AGPS: variants seen among roughly 807,000 people sequenced by gnomAD.
AGPS encodes alkyldihydroxyacetonephosphate synthase, peroxisomal.
Under a neutral mutation model 90.7 loss-of-function variants are expected in AGPS, and 26 were observed. That is an observed-to-expected ratio of 0.29 (90% CI 0.21 to 0.40). The LOEUF is 0.40. Among genes scored for constraint, AGPS ranks in the 10% least tolerant of loss-of-function variants. AGPS has a pLI of 1.00. For missense variants in AGPS, 540 were observed against 816.1 expected, an observed-to-expected ratio of 0.66 and a Z score of 4.12; for synonymous variants, 294 against 285.3, an observed-to-expected ratio of 1.03 and a Z score of -0.31.
At chr2:177,395,966 C>T (rs1685160755) in intron 1 of AGPS, among the ~76,000 whole-genome samples, 1 of 151,886 alleles carries the variant, frequency 6.6e-6, no homozygotes, top group Admixed American at 6.6e-5. Context: ...AAGTAGTCTT[C>T]AGCCTCAAAG....
chr2:177,486,737 A>AT (rs375211220), intron 11 of AGPS, among the ~76,000 whole-genome samples: 1 of 129,302 alleles, frequency 7.7e-6, no homozygotes, highest in African/African-American at 2.6e-5. Context: ...CTATATGTAT[A>AT]TTTTTATTAC....
At chr2:177,475,959 A>G (rs1687770691) in intron 10 of AGPS, among the ~76,000 whole-genome samples, 1 of 152,104 alleles carries the variant, frequency 6.6e-6, no homozygotes, top group African/African-American at 2.4e-5. Context: ...ATTTATTGCT[A>G]TACAGTTGTT....
Position 177,475,001 on chromosome 2 carries a change from C to T in AGPS, c.1105+6477C>T, listed in dbSNP as rs149297247. Reference sequence around the variant, plus strand: ...GGTTAAAGTCAGGGTTTATACTCACCTTCTTTAATGAATTTCAATCTTGTG... The same window carrying T: ...GGTTAAAGTCAGGGTTTATACTCACTTTCTTTAATGAATTTCAATCTTGTG... On this transcript the variant is annotated intron_variant, in intron 10 of 19. Transcript: ENST00000264167. Among the ~76,000 whole-genome samples, 359 of 152,264 alleles carry T rather than the reference C, an allele frequency of 2.4e-3. 2 individuals are homozygous for T. The highest frequency in any genetic ancestry group is 8.2e-3 in the African/African-American group (342 of 41,546).
intron 10 of AGPS, among the ~76,000 whole-genome samples, chr2:177,475,127 A>G (rs552830394): frequency 2.1e-4 from 32 of 152,238 alleles, no homozygotes; most frequent in Non-Finnish European, 4.6e-4. Flanking sequence ...TTTCTGCCTG[A>G]CAAATTTCCA....
At chr2:177,487,861 A>T (rs1255766232) in intron 11 of AGPS, among the ~76,000 whole-genome samples, 1 of 152,146 alleles carries the variant, frequency 6.6e-6, no homozygotes, top group East Asian at 1.9e-4. Flanking sequence ...AAACTGAAAA[A>T]CTATAAAGTT....
chr2:177,506,068 G>A (rs939910254), intron 15 of AGPS, among the ~76,000 whole-genome samples: 3 of 151,686 alleles, frequency 2.0e-5, no homozygotes, highest in African/African-American at 4.8e-5. Context: ...TTCTACTTAC[G>A]ATATACTGAA....
intron 10 of AGPS, among the ~76,000 whole-genome samples, chr2:177,477,689 A>AT (rs903023003): frequency 1.3e-5 from 2 of 152,064 alleles, no homozygotes; most frequent in African/African-American, 4.8e-5. Flanking sequence ...TATATTACCC[A>AT]TTTTGTTTAT....
intron 19 of AGPS, among the ~76,000 whole-genome samples, chr2:177,528,596 G>A (rs77422409): frequency 0.11 from 15,981 of 152,014 alleles, 1,191 homozygotes; most frequent in East Asian, 0.36. Flanking sequence ...CTTCTTAGAG[G>A]GATCTTCCCT....
At chr2:177,523,658 CAT>C in intron 18 of AGPS, 88 bp from the exon 19 acceptor site, 4 of 1,067,204 alleles carry the variant, frequency 3.7e-6, no homozygotes, top group South Asian at 1.3e-5. Context: ...ACCCAGGAAA[CAT>C]GTGCCTTCTT....
At chr2:177,434,807 CTG>C (rs1189684871) in intron 3 of AGPS, among the ~76,000 whole-genome samples, 2 of 151,646 alleles carry the variant, frequency 1.3e-5, no homozygotes, top group African/African-American at 4.8e-5. Context: ...AATAGACTGA[CTG>C]TAATCTAGGA....
At chr2:177,491,056 T>C (rs531201681) in intron 11 of AGPS, among the ~76,000 whole-genome samples, 19 of 151,792 alleles carry the variant, frequency 1.3e-4, no homozygotes, top group Non-Finnish European at 2.5e-4. Flanking sequence ...GGTTTCACCA[T>C]GTTGGTCAGG....
At chr2:177,442,542 T>C (rs751134322) in intron 7 of AGPS, 56 bp downstream of exon 7, 6 of 1,391,574 alleles carry the variant, frequency 4.3e-6, no homozygotes, top group Non-Finnish European at 6.1e-6. Context: ...TCCACCTTAA[T>C]TGTCATTAAA....
At chr2:177,517,067 A>G (rs991806966) in intron 17 of AGPS, among the ~76,000 whole-genome samples, 5 of 152,074 alleles carry the variant, frequency 3.3e-5, no homozygotes, top group Admixed American at 6.5e-5. Flanking sequence ...ATTAGATTCT[A>G]TTTGTATTGT....
intron 10 of AGPS, among the ~76,000 whole-genome samples, chr2:177,472,854 G>A (rs1687669393): frequency 6.6e-6 from 1 of 152,102 alleles, no homozygotes; most frequent in East Asian, 1.9e-4. Flanking sequence ...TTTTACGTGT[G>A]TACACGTGTA....
chr2:177,439,053 G>A (rs530499030), intron 5 of AGPS, among the ~76,000 whole-genome samples: 17 of 152,060 alleles, frequency 1.1e-4, no homozygotes, highest in African/African-American at 3.6e-4. Context: ...GATCTGAATC[G>A]GAATTCTATG....
At chr2:177,501,875 T>C (rs1436781825) in intron 14 of AGPS, among the ~76,000 whole-genome samples, 8 of 152,056 alleles carry the variant, frequency 5.3e-5, no homozygotes, top group African/African-American at 1.9e-4. Flanking sequence ...ACCATGTTGG[T>C]CAGGCTGGTC....
intron 10 of AGPS, among the ~76,000 whole-genome samples, chr2:177,468,832 T>C (rs1204377811): frequency 2.6e-5 from 4 of 152,066 alleles, no homozygotes; most frequent in Non-Finnish European, 5.9e-5. Flanking sequence ...CATTTTGTAT[T>C]ATAGTATTCT....
chr2:177,448,039 C>T (rs1388273096), intron 8 of AGPS, among the ~76,000 whole-genome samples: 1 of 151,908 alleles, frequency 6.6e-6, no homozygotes, highest in African/African-American at 2.4e-5. Context: ...AAATCTTTGG[C>T]TACTTTTATT....
intron 1 of AGPS, among the ~76,000 whole-genome samples, chr2:177,401,174 C>T (rs1178461716): frequency 1.3e-5 from 2 of 152,036 alleles, no homozygotes; most frequent in African/African-American, 2.4e-5. Context: ...AGTGATATAC[C>T]GTGCTGGCCA....
Sources: gnomAD v4.1 joint callset for allele counts (sites outside exome capture counted in the v4.1 genomes callset) on GRCh38, gnomAD v4.1.1 for gene constraint, MANE v1.5 for transcripts, NCBI Gene and HGNC (gene_info 2026-07-23, HGNC 2026-07-21) for gene names.